Variants in ATP9A observed in about 807,000 individuals in gnomAD.
The protein encoded by ATP9A is ATPase phospholipid transporting 9A, also known as probable phospholipid-transporting ATPase IIA.
ATP9A carries 52 observed loss-of-function variants against 144.1 expected under a neutral mutation model. The ratio of observed to expected loss-of-function variants is 0.36; its 90% CI spans 0.29 to 0.45. ATP9A has a LOEUF of 0.45. Ranked by LOEUF, ATP9A falls within the 20% of genes least tolerant of loss-of-function variation. The pLI is 1.00. For synonymous variants in ATP9A, 582 were observed against 557.4 expected, an observed-to-expected ratio of 1.04 and a Z score of -0.62; for missense variants, 947 against 1,392.7, an observed-to-expected ratio of 0.68 and a Z score of 5.09.
chr20:51,627,508 G>A (rs2077254114), intron 17 of ATP9A, 92 bp downstream of exon 17: 2 of 1,184,376 alleles, frequency 1.7e-6, no homozygotes, highest in East Asian at 4.7e-5. Context: ...AATGACATCA[G>A]AATGGCTCGC....
intron 4 of ATP9A, among the ~76,000 whole-genome samples, chr20:51,709,880 G>A (rs1568830625): frequency 6.6e-6 from 1 of 152,234 alleles, no homozygotes; most frequent in South Asian, 2.1e-4. Flanking sequence ...TACAAGTACT[G>A]CTATTATTAT....
intron 14 of ATP9A, 58 bp from the exon 15 acceptor site, chr20:51,639,562 C>T: frequency 6.5e-7 from 1 of 1,547,250 alleles, no homozygotes; most frequent in African/African-American, 1.4e-5. Flanking sequence ...GGTTCACAGG[C>T]TGTGCTATGA....
At chr20:51,606,373 C>T (rs1424678620) in intron 26 of ATP9A, among the ~76,000 whole-genome samples, 5 of 152,004 alleles carry the variant, frequency 3.3e-5, no homozygotes, top group African/African-American at 1.2e-4. Context: ...ATATGTACTA[C>T]AAAACATACA....
At chr20:51,712,143 G>A (rs1568831647) in intron 4 of ATP9A, among the ~76,000 whole-genome samples, 1 of 147,968 alleles carries the variant, frequency 6.8e-6, no homozygotes, top group Non-Finnish European at 1.5e-5. Context: ...CGCGGTCTAT[G>A]CTCACTGCAA....
intron 14 of ATP9A, among the ~76,000 whole-genome samples, chr20:51,642,906 C>T (rs1328241142): frequency 6.6e-6 from 1 of 151,992 alleles, no homozygotes; most frequent in South Asian, 2.1e-4. Flanking sequence ...TGCTATACCC[C>T]GAAGAAGAGA....
intron 1 of ATP9A, among the ~76,000 whole-genome samples, chr20:51,749,203 T>C (rs1341424809): frequency 1.4e-5 from 2 of 148,118 alleles, no homozygotes; most frequent in African/African-American, 5.3e-5. Context: ...AATAAGTAAA[T>C]AAATAAATAA....
At chr20:51,670,710 G>A (rs1267301011) in intron 12 of ATP9A, among the ~76,000 whole-genome samples, 1 of 152,134 alleles carries the variant, frequency 6.6e-6, no homozygotes, top group Non-Finnish European at 1.5e-5. Flanking sequence ...CTAATGCCTG[G>A]ACAAGCATTA....
intron 14 of ATP9A, among the ~76,000 whole-genome samples, chr20:51,652,873 C>A: frequency 6.6e-6 from 1 of 152,024 alleles, no homozygotes; most frequent in Admixed American, 6.5e-5. Context: ...CTTTGGGAGG[C>A]CAAGGCGGGC....
chr20:51,725,400 G>C (rs533169385), intron 3 of ATP9A, among the ~76,000 whole-genome samples: 1 of 152,278 alleles, frequency 6.6e-6, no homozygotes, highest in East Asian at 1.9e-4. Flanking sequence ...AGGACTACAG[G>C]CATGAGCCAC....
chr20:51,622,311 C>T lies in ATP9A; in HGVS notation c.2017-139G>A. The T allele has an allele frequency of 6.0e-6, 4 of 667,188 alleles. No individual in the cohort carries two copies. The South Asian group carries it at 7.3e-5, about 12-fold the overall frequency. 41.3% of individuals were successfully genotyped at this position (667,188 alleles called of 1,614,324 possible). A position where few individuals can be genotyped will look rare whatever the true frequency, so the allele number is the denominator to read the frequency against. ...TCCTGCCGACTCATGCTGTCCCCAA[C>T]ACAACACAGCAAGCGCCCTGGCTGA... On this transcript the variant is annotated intron_variant, in intron 18 of 27. Coordinates refer to ENST00000338821, the MANE Select transcript of ATP9A (RefSeq NM_006045.3).
chr20:51,708,934 G>A (rs1207928502), intron 4 of ATP9A, among the ~76,000 whole-genome samples: 1 of 152,002 alleles, frequency 6.6e-6, no homozygotes, highest in African/African-American at 2.4e-5. Flanking sequence ...AAATATAACT[G>A]ACAAACCTGG....
intron 1 of ATP9A, among the ~76,000 whole-genome samples, chr20:51,759,701 TA>T (rs1270963445): frequency 1.3e-5 from 2 of 151,532 alleles, no homozygotes; most frequent in African/African-American, 4.8e-5. Flanking sequence ...TAAATAAAAT[TA>T]AAAAATAAAA....
intron 15 of ATP9A, among the ~76,000 whole-genome samples, chr20:51,637,039 T>G (rs2077295211): frequency 6.6e-6 from 1 of 152,180 alleles, no homozygotes; most frequent in Non-Finnish European, 1.5e-5. Flanking sequence ...TGCAGTGAGC[T>G]GAGATGGCAC....
chr20:51,731,632 T>C (rs1232799184), intron 1 of ATP9A, among the ~76,000 whole-genome samples: 2 of 151,060 alleles, frequency 1.3e-5, no homozygotes, highest in Non-Finnish European at 2.9e-5. Context: ...GGCAGGAGAA[T>C]AGCTTGAACT....
At chr20:51,768,159 ACCTCCCCG>A (rs1006426248) in intron 1 of ATP9A, 135 bp downstream of exon 1, 7 of 381,884 alleles carry the variant, frequency 1.8e-5, no homozygotes, top group Non-Finnish European at 2.8e-5. Context: ...CCCCCTCCCC[ACCTCCCCG>A]CCTCCCCAGC....
chr20:51,627,062 A>AC (rs892888514), intron 17 of ATP9A, among the ~76,000 whole-genome samples: 2 of 151,670 alleles, frequency 1.3e-5, no homozygotes, highest in African/African-American at 4.8e-5. Flanking sequence ...TGTCTCAAAA[A>AC]AAAAAAAAAA....
At chr20:51,765,642 C>CAAAGAAAAAAAAAAAAAAAAAA (rs2077900397) in intron 1 of ATP9A, among the ~76,000 whole-genome samples, 1 of 110,558 alleles carries the variant, frequency 9.0e-6, no homozygotes, top group Non-Finnish European at 1.8e-5. Context: ...AGCTACATCT[C>CAAAGAAAAAAAAAAAAAAAAAA]AAAAAAAAAA....
chr20:51,638,076 TATATATATATA>T (rs1568797045), intron 15 of ATP9A, among the ~76,000 whole-genome samples: 9 of 13,738 alleles, frequency 6.6e-4, no homozygotes, highest in Admixed American at 1.7e-3. Flanking sequence ...TCATTTTATA[TATATATATATA>T]TATATATATA....
rs754212556 is a variant in ATP9A at position 51,625,262 on chromosome 20, G to A, written c.1946C>T (p.Thr649Met). 24 of 1,614,056 alleles carry A rather than the reference G, an allele frequency of 1.5e-5. No homozygotes were observed. The highest frequency in any genetic ancestry group is 5.0e-5 in the Admixed American group (3 of 60,012). Residue 649 changes from threonine to methionine, a missense_variant, in exon 18 of 28, where the codon ACG becomes ATG. Thr to Met is a moderately conservative substitution (Grantham distance 81). Transcript: ENST00000338821. ...TGCCTGCAGCTGGTCCTCCACGCCC[G>A]TCAGGCACAGCAGTTCCATCTCCAT... is the stretch of plus-strand genomic sequence containing the variant. ...LEMEMELLCL[T>M]GVEDQLQADV...
Sources: gnomAD v4.1 joint callset for allele counts (sites outside exome capture counted in the v4.1 genomes callset) on GRCh38, gnomAD v4.1.1 for gene constraint, MANE v1.5 for transcripts, NCBI Gene and HGNC (gene_info 2026-07-23, HGNC 2026-07-21) for gene names.